The following NOC3L variants were observed in gnomAD, a reference collection of about 807,000 sequenced individuals.
NOC3L encodes nucleolar complex protein 3 homolog.
A neutral mutation model predicts 102.5 loss-of-function variants in NOC3L; 85 were observed. The ratio of observed to expected loss-of-function variants is 0.83; its 90% CI spans 0.70 to 0.99. The LOEUF (loss-of-function observed/expected upper bound fraction) is 0.99, where lower values mean the gene tolerates loss of function less well. NOC3L is among the 50% of genes least tolerant of loss of function. The pLI is 0.00. For synonymous variants in NOC3L, 303 were observed against 309.4 expected (o/e 0.98, Z 0.22); for missense variants, 878 against 914.9 (o/e 0.96, Z 0.52).
chr10:94,351,319 G>C (rs1263278743), intron 8 of NOC3L, among the ~76,000 whole-genome samples: 2 of 151,662 alleles, frequency 1.3e-5, no homozygotes, highest in Non-Finnish European at 2.9e-5. Context: ...GACAGCAATG[G>C]GTGATCTTAG....
chr10:94,350,636 T>C (rs2054403815), intron 8 of NOC3L, among the ~76,000 whole-genome samples: 2 of 149,798 alleles, frequency 1.3e-5, no homozygotes, highest in African/African-American at 5.0e-5. Context: ...GGGAATCACT[T>C]GAACCTGGGA....
At position 94,353,044 on chromosome 10, in the gene NOC3L, T is replaced by C. The variant is rs370897064; in HGVS notation, c.710A>G (p.Lys237Arg). The C allele has an allele frequency of 2.5e-6, 4 of 1,603,350 alleles. No homozygotes were observed. Among genetic ancestry groups the C allele is most frequent in the Admixed American group, 1.8e-5 (1 of 56,956 alleles). The change falls in exon 7 of 21, where the codon AAA becomes AGA. Residue 237 changes from lysine to arginine, a missense_variant. Coordinates refer to ENST00000371361, the MANE Select transcript of NOC3L (RefSeq NM_022451.11). Reference sequence around the variant, plus strand: ...TTCCATCAACATAGAACGTAATTCTTTCAATTTTTTAATCTGTTAAAGAAA... The same window carrying C: ...TTCCATCAACATAGAACGTAATTCTCTCAATTTTTTAATCTGTTAAAGAAA... ...SDPENNIKKL[K>R]ELRSMLMEQD...
chr10:94,346,112 G>A (rs2054339979), intron 11 of NOC3L, among the ~76,000 whole-genome samples: 2 of 152,180 alleles, frequency 1.3e-5, no homozygotes, highest in Admixed American at 1.3e-4. Flanking sequence ...AACTTCACGT[G>A]AATGCATCTT....
Position 94,350,133 on chromosome 10 carries a change from T to C in NOC3L, c.1108A>G (p.Met370Val). The change falls in exon 9 of 21, where the codon ATG becomes GTG. Residue 370 changes from methionine to valine, a missense_variant. By Grantham distance (21) the Met-to-Val change is conservative. Coordinates refer to ENST00000371361, the MANE Select transcript of NOC3L (RefSeq NM_022451.11). Reference protein sequence around the residue: ...NNIIVLIVPLMNDMSKLISEM... With the variant: ...NNIIVLIVPLVNDMSKLISEM... ...CTCACCAATTTTGACATGTCATTCA[T>C]GAGAGGGACAATCAATACGATGATG... The C allele has an allele frequency of 6.2e-7, 1 of 1,613,990 alleles. No individual in the cohort carries two copies. Among genetic ancestry groups the C allele is most frequent in the Non-Finnish European group, 8.5e-7 (1 of 1,179,892 alleles).
At chr10:94,317,957 TAGA>T in the NOC3L span, among the ~76,000 whole-genome samples, 1 of 152,326 alleles carries the variant, frequency 6.6e-6, no homozygotes, top group Middle Eastern at 3.4e-3. Context: ...GCTTGCCTGA[TAGA>T]AGGTGCCTCA....
the NOC3L span, chr10:94,315,482 G>T: frequency 2.2e-6 from 1 of 455,994 alleles, no homozygotes; most frequent in East Asian, 7.0e-5. Flanking sequence ...ATATGAGTGA[G>T]AAAATACATT....
At chr10:94,341,260 C>G (rs1266770116) in intron 14 of NOC3L, among the ~76,000 whole-genome samples, 1 of 150,756 alleles carries the variant, frequency 6.6e-6, no homozygotes, top group Non-Finnish European at 1.5e-5. Flanking sequence ...TTACAATAAT[C>G]TATTATCTAT....
chr10:94,329,030 C>T (rs949965212), downstream of NOC3L: 1 of 152,120 alleles, frequency 6.6e-6, no homozygotes, highest in Non-Finnish European at 1.5e-5. Flanking sequence ...TATTATACAT[C>T]GCTCTCTTGA....
intron 3 of NOC3L, 33 bp downstream of exon 3, chr10:94,358,050 A>T: frequency 7.2e-7 from 1 of 1,397,668 alleles, no homozygotes; most frequent in South Asian, 1.2e-5. Flanking sequence ...CACTAAATGG[A>T]TATGAATGAT....
intron 19 of NOC3L, among the ~76,000 whole-genome samples, chr10:94,335,816 C>T (rs953879500): frequency 1.1e-4 from 17 of 152,182 alleles, no homozygotes; most frequent in African/African-American, 4.1e-4. Flanking sequence ...ATTACAGAAA[C>T]CAATGGGCTT....
the NOC3L span, chr10:94,324,781 C>T: frequency 8.6e-7 from 1 of 1,158,068 alleles, no homozygotes; most frequent in Non-Finnish European, 1.3e-6. Flanking sequence ...CTCAGCCCTA[C>T]TCTCTCCAAA....
In NOC3L at chr10:94,338,599, C is replaced by T; in HGVS notation, c.2091+9G>A. On this transcript the variant is annotated intron_variant, in intron 18 of 20. Transcript: ENST00000371361. ...TCCCCAAAAAGAAAAAAACCAGGGC[C>T]ACTCTTACCCGCAGAGCATGCAGTT... 1 of 1,503,362 alleles carries T rather than the reference C, an allele frequency of 6.7e-7. No homozygotes were observed. Among genetic ancestry groups the T allele is most frequent in the Non-Finnish European group, 8.9e-7 (1 of 1,120,068 alleles). The allele number at this position is 1,503,362 out of a possible 1,614,324, so 93.1% of individuals were successfully genotyped here. A position where few individuals can be genotyped will look rare whatever the true frequency, so the allele number is the denominator to read the frequency against.
At chr10:94,328,659 C>T (rs1287310509), downstream of NOC3L, 1 of 152,156 alleles carries the variant, frequency 6.6e-6, no homozygotes, top group African/African-American at 2.4e-5. Flanking sequence ...AGCTTTGGGG[C>T]ATTTCAAGTG....
chr10:94,335,270 C>A (rs936687725), intron 19 of NOC3L, among the ~76,000 whole-genome samples: 3 of 152,178 alleles, frequency 2.0e-5, no homozygotes, highest in African/African-American at 7.2e-5. Context: ...CATCCCAATA[C>A]CCACTCTCCA....
At chr10:94,337,052 G>C in intron 19 of NOC3L, among the ~76,000 whole-genome samples, 1 of 147,096 alleles carries the variant, frequency 6.8e-6, no homozygotes, top group African/African-American at 2.5e-5. Flanking sequence ...CTGGACAACA[G>C]AGTGAGACTC....
At chr10:94,331,358 A>T (rs1034585541), downstream of NOC3L, 1 of 152,154 alleles carries the variant, frequency 6.6e-6, no homozygotes, top group Non-Finnish European at 1.5e-5. Flanking sequence ...TCCTCTTCCA[A>T]TATCTCTATA....
chr10:94,329,733 GCACCACCACGCTCCAGCCTGGTGA>G (rs2054133476), downstream of NOC3L: 1 of 119,074 alleles, frequency 8.4e-6, no homozygotes, highest in Non-Finnish European at 1.6e-5. Context: ...AGCCAAGATC[GCACCACCACGCTCCAGCCTGGTGA>G]CAGAGCGAGA....
rs370227016 is a variant in NOC3L at position 94,334,263 on chromosome 10, T to G, written c.2317A>C (p.Asn773His). ...CTGGAGTATCTTTTGATTAGCTGAT[T>G]TAAATCTTCATTCAAAAATGAATCC... is the stretch of plus-strand genomic sequence containing the variant. Reference protein sequence around the residue: ...QGDSFLNEDLNQLIKRYSSEV... With the variant: ...QGDSFLNEDLHQLIKRYSSEV... The change falls in exon 21 of 21, where the codon AAT becomes CAT. Residue 773 changes from asparagine (N) to histidine (H), a missense_variant. Transcript: ENST00000371361. 4 of 1,610,812 alleles carry G rather than the reference T, an allele frequency of 2.5e-6. No individual in the cohort carries two copies. Among genetic ancestry groups the G allele is most frequent in the Admixed American group, 1.7e-5 (1 of 59,744 alleles).
intron 6 of NOC3L, 93 bp downstream of exon 6, chr10:94,354,870 T>A: frequency 8.0e-7 from 1 of 1,250,076 alleles, no homozygotes; most frequent in Non-Finnish European, 1.1e-6. Context: ...CTTTTCCTTT[T>A]AGTGTATGCT....
Sources: allele counts gnomAD v4.1 joint callset (sites outside exome capture counted in the v4.1 genomes callset), GRCh38; gene constraint gnomAD v4.1.1; transcripts MANE v1.5; gene names NCBI Gene and HGNC (gene_info 2026-07-23, HGNC 2026-07-21).